Variants in HYDIN observed in about 807,000 individuals in gnomAD.
HYDIN encodes axonemal central pair apparatus protein HYDIN.
HYDIN carries 132 observed loss-of-function variants against 403.9 expected under a neutral mutation model. That is an observed-to-expected ratio of 0.33 (90% CI 0.28 to 0.38). HYDIN has a LOEUF of 0.38. Ranked by LOEUF, HYDIN falls within the 10% of genes least tolerant of loss-of-function variation. The pLI is 1.00. For synonymous variants in HYDIN, 1,202 were observed against 1,891.7 expected, an observed-to-expected ratio of 0.64 and a Z score of 9.46; for missense variants, 2,827 against 5,009.5, an observed-to-expected ratio of 0.56 and a Z score of 13.15.
intron 8 of HYDIN, among the ~76,000 whole-genome samples, chr16:71,135,887 T>C (rs893855935): frequency 4.0e-5 from 6 of 148,802 alleles, no homozygotes; most frequent in Admixed American, 2.0e-4. Context: ...TGTCCTGTCA[T>C]TGTCGTGGCT....
At chr16:70,829,348 C>T (rs1002811325) in intron 81 of HYDIN, among the ~76,000 whole-genome samples, 1 of 148,230 alleles carries the variant, frequency 6.7e-6, no homozygotes, top group Non-Finnish European at 1.5e-5. Flanking sequence ...ATTCTCCTGC[C>T]TCAGCCTCCC....
intron 1 of HYDIN, among the ~76,000 whole-genome samples, chr16:71,197,378 C>T (rs1002520279): frequency 1.3e-5 from 2 of 152,170 alleles, no homozygotes; most frequent in Non-Finnish European, 1.5e-5. Context: ...AGAAATCCAA[C>T]AGAATTTTGA....
At chr16:71,189,840 G>T (rs543627437) in intron 1 of HYDIN, among the ~76,000 whole-genome samples, 1 of 150,956 alleles carries the variant, frequency 6.6e-6, no homozygotes, top group East Asian at 1.9e-4. Flanking sequence ...ACACAGAGAA[G>T]AGCCGAGAAA....
intron 18 of HYDIN, among the ~76,000 whole-genome samples, chr16:71,050,348 T>C (rs1472249398): frequency 7.1e-6 from 1 of 141,744 alleles, no homozygotes; most frequent in African/African-American, 2.6e-5. Context: ...AATAGAATCA[T>C]ATGCTCAGCT....
At chr16:71,161,232 T>G (rs56288060) in intron 6 of HYDIN, among the ~76,000 whole-genome samples, 4,796 of 151,094 alleles carry the variant, frequency 0.032, 119 homozygotes, top group Non-Finnish European at 0.051. Context: ...CAATAGGGTG[T>G]GTGCTCCTAT....
At chr16:71,203,020 G>C (rs866299749) in intron 1 of HYDIN, among the ~76,000 whole-genome samples, 1 of 152,206 alleles carries the variant, frequency 6.6e-6, no homozygotes, top group Non-Finnish European at 1.5e-5. Context: ...TTGGGAAAGA[G>C]AAGTTATTTC....
At chr16:71,208,008 G>A (rs574658609) in intron 1 of HYDIN, among the ~76,000 whole-genome samples, 24 of 152,074 alleles carry the variant, frequency 1.6e-4, no homozygotes, top group African/African-American at 5.5e-4. Flanking sequence ...GCATTAGACA[G>A]ATAAGGCAGA....
intron 52 of HYDIN, among the ~76,000 whole-genome samples, chr16:70,902,821 A>ATATATATATTTTTTTTT: frequency 6.3e-5 from 3 of 47,312 alleles, no homozygotes; most frequent in Admixed American, 2.5e-4. Context: ...ATATATATAT[A>ATATATATATTTTTTTTT]TTTTTTTTTT....
At chr16:71,130,714 T>C (rs1465843227) in intron 8 of HYDIN, among the ~76,000 whole-genome samples, 3 of 151,480 alleles carry the variant, frequency 2.0e-5, no homozygotes, top group Non-Finnish European at 2.9e-5. Context: ...GGTCTCGATC[T>C]CCTGACCTCA....
In HYDIN at chr16:70,971,261, G is replaced by A. The variant is rs537370683; in HGVS notation, c.5380-502C>T. On this transcript the variant is annotated intron_variant, in intron 35 of 85. Coordinates refer to ENST00000393567, the MANE Select transcript of HYDIN (RefSeq NM_001270974.2). ...ACCCCAGCTCCCTTGCTCCTGAGGA[G>A]TGATGATTCTGAAGTGTGTACTTTG... 2.7e-4 allele frequency among the ~76,000 whole-genome samples: 41 copies of A among 152,394 alleles called. 1 individual carries two copies. In the East Asian group the frequency reaches 6.6e-3, roughly 24 times the overall value.
At chr16:70,819,209 C>T (rs891818290) in intron 83 of HYDIN, among the ~76,000 whole-genome samples, 7 of 151,998 alleles carry the variant, frequency 4.6e-5, no homozygotes, top group African/African-American at 1.7e-4. Context: ...GCCACAGTGC[C>T]TGGCCACAGT....
chr16:71,207,346 GA>G (rs2088352740), intron 1 of HYDIN, among the ~76,000 whole-genome samples: 1 of 152,100 alleles, frequency 6.6e-6, no homozygotes, highest in Non-Finnish European at 1.5e-5. Context: ...AAGCAAAGGA[GA>G]AATAAGACCC....
intron 28 of HYDIN, among the ~76,000 whole-genome samples, chr16:70,981,940 A>G (rs2079057113): frequency 6.6e-6 from 1 of 152,074 alleles, no homozygotes; most frequent in Non-Finnish European, 1.5e-5. Context: ...TATCCTGGCT[A>G]ACACGGTAAA....
chr16:70,886,701 C>T (rs1764109625), intron 58 of HYDIN, among the ~76,000 whole-genome samples: 1 of 152,150 alleles, frequency 6.6e-6, no homozygotes, highest in African/African-American at 2.4e-5. Context: ...ATTCTGGGTC[C>T]ACAGTTATTG....
Position 70,921,152 on chromosome 16 carries a change from T to C in HYDIN, c.7224A>G (p.Glu2408=). The change falls in exon 46 of 86, where the codon GAA becomes GAG. Residue 2408 remains glutamate (E), a synonymous_variant. Coordinates refer to ENST00000393567, the MANE Select transcript of HYDIN (RefSeq NM_001270974.2). ...ETIERKISVR[E]QTMSEKEELN... ...GCTCTTCCTTCTCAGACATTGTTTGTTCCCTAACAGATATTTTCCTTTCGA... is the reference window on the plus strand; with the variant it reads ...GCTCTTCCTTCTCAGACATTGTTTGCTCCCTAACAGATATTTTCCTTTCGA... 6.6e-7 allele frequency: 1 copy of C among 1,507,730 alleles called. No individual in the cohort carries two copies. The allele number at this position is 1,507,730 out of a possible 1,614,324, so 93.4% of individuals were successfully genotyped here.
intron 10 of HYDIN, among the ~76,000 whole-genome samples, chr16:71,094,611 CA>C (rs2083217778): frequency 6.6e-6 from 1 of 152,266 alleles, no homozygotes; most frequent in African/African-American, 2.4e-5. Context: ...TTCAGATCTA[CA>C]AAAAGACTAT....
At chr16:70,989,667 T>C (rs1271437823) in intron 25 of HYDIN, among the ~76,000 whole-genome samples, 1 of 152,184 alleles carries the variant, frequency 6.6e-6, no homozygotes, top group Non-Finnish European at 1.5e-5. Flanking sequence ...TTGTACATGA[T>C]ACAAATTTAA....
At chr16:70,817,557 TAA>T (rs995924136) in intron 84 of HYDIN, 24 of 152,224 alleles carry the variant, frequency 1.6e-4, no homozygotes, top group African/African-American at 5.8e-4. Flanking sequence ...GATAACCAGA[TAA>T]AAAGACTCCA....
chr16:70,822,097 T>C (rs534930087), intron 83 of HYDIN, among the ~76,000 whole-genome samples: 19 of 152,134 alleles, frequency 1.2e-4, no homozygotes, highest in African/African-American at 4.6e-4. Flanking sequence ...ATACATTTCA[T>C]AGGGCAATAG....
Sources: allele counts gnomAD v4.1 joint callset (sites outside exome capture counted in the v4.1 genomes callset), GRCh38; gene constraint gnomAD v4.1.1; transcripts MANE v1.5; gene names NCBI Gene and HGNC (gene_info 2026-07-23, HGNC 2026-07-21).